HIPK2: variants seen among roughly 807,000 people sequenced by gnomAD.
The protein encoded by HIPK2 is homeodomain interacting protein kinase 2, also known as homeodomain-interacting protein kinase 2.
Under a neutral mutation model 113.7 loss-of-function variants are expected in HIPK2, and 27 were observed. The observed-to-expected ratio is 0.24, with a 90% CI of 0.17 to 0.33. The LOEUF is 0.33. Among genes scored for constraint, HIPK2 ranks in the 10% least tolerant of loss-of-function variants. The pLI is 1.00. For synonymous variants in HIPK2, 631 were observed against 642.2 expected (o/e 0.98, Z 0.26); for missense variants, 1,257 against 1,588.0 (o/e 0.79, Z 3.54).
intron 1 of HIPK2, among the ~76,000 whole-genome samples, chr7:139,777,400 C>T (rs904296187): frequency 1.3e-5 from 2 of 151,916 alleles, no homozygotes; most frequent in Non-Finnish European, 2.9e-5. Flanking sequence ...CCCCCGGCCC[C>T]TCTCCCCGCC....
intron 1 of HIPK2, among the ~76,000 whole-genome samples, chr7:139,736,927 C>T (rs916458909): frequency 7.9e-5 from 12 of 152,184 alleles, no homozygotes; most frequent in African/African-American, 1.9e-4. Flanking sequence ...ACAGGCCCAG[C>T]GCTAAGAGTC....
intron 11 of HIPK2, among the ~76,000 whole-genome samples, chr7:139,599,510 A>AT (rs1799345978): frequency 6.6e-6 from 1 of 152,002 alleles, no homozygotes; most frequent in South Asian, 2.1e-4. Context: ...GTTGACCTTG[A>AT]TTTTTTCAAA....
At chr7:139,674,245 G>C (rs1490553843) in intron 2 of HIPK2, among the ~76,000 whole-genome samples, 3 of 152,172 alleles carry the variant, frequency 2.0e-5, no homozygotes, top group Non-Finnish European at 4.4e-5. Context: ...GCTGTGGTGG[G>C]GAAGGCCTCT....
intron 4 of HIPK2, 21 bp from the exon 5 acceptor site, chr7:139,629,060 C>A: frequency 1.9e-6 from 3 of 1,570,160 alleles, no homozygotes; most frequent in Non-Finnish European, 2.6e-6. Context: ...AGGCAAAAGC[C>A]AATTGGTAGC....
intron 2 of HIPK2, among the ~76,000 whole-genome samples, chr7:139,674,074 A>C (rs1258792779): frequency 2.0e-5 from 3 of 151,978 alleles, no homozygotes; most frequent in Non-Finnish European, 4.4e-5. Flanking sequence ...AAAAAAAAAA[A>C]AAAGAAAAAT....
intron 2 of HIPK2, among the ~76,000 whole-genome samples, chr7:139,668,493 C>T (rs775051624): frequency 1.2e-4 from 18 of 149,950 alleles, no homozygotes; most frequent in Non-Finnish European, 2.5e-4. Flanking sequence ...ACCCGGGAGG[C>T]AGAGCTTGCA....
At chr7:139,653,076 T>C (rs1249948032) in intron 2 of HIPK2, among the ~76,000 whole-genome samples, 32 of 126,740 alleles carry the variant, frequency 2.5e-4, no homozygotes, top group African/African-American at 1.0e-3. Context: ...GAGGCTGAGG[T>C]TGCAGTGAGC....
intron 13 of HIPK2, among the ~76,000 whole-genome samples, chr7:139,583,339 C>G (rs1316386249): frequency 6.6e-6 from 1 of 152,180 alleles, no homozygotes; most frequent in South Asian, 2.1e-4. Context: ...GGCTTGGTCT[C>G]GCCGCCCAGC....
rs1190530210 is a variant in HIPK2 at position 139,681,877 on chromosome 7, G to A, written c.1103+34055C>T. ...ACATTTCTTTGTCCACTGACTGGGG[G>A]CCCTGGTTCTAGGACAGCATCTCCC... On this transcript the variant is annotated intron_variant, in intron 2 of 14. Coordinates refer to ENST00000406875, the MANE Select transcript of HIPK2 (RefSeq NM_022740.5). Among the ~76,000 whole-genome samples the A allele has an allele frequency of 7.2e-5, 11 of 152,286 alleles. No homozygotes were observed. In the South Asian group the frequency reaches 1.7e-3, roughly 23 times the overall value.
intron 1 of HIPK2, among the ~76,000 whole-genome samples, chr7:139,720,586 A>C (rs578049510): frequency 6.6e-6 from 1 of 152,312 alleles, no homozygotes; most frequent in East Asian, 1.9e-4. Flanking sequence ...TTATTCTAGA[A>C]CAACACAGAA....
chr7:139,583,531 C>T (rs1798736804), intron 13 of HIPK2: 1 of 371,862 alleles, frequency 2.7e-6, no homozygotes, highest in Non-Finnish European at 4.9e-6. Context: ...CATAAAGAAC[C>T]AGGAGGCTTT....
intron 7 of HIPK2, among the ~76,000 whole-genome samples, chr7:139,617,189 G>T (rs1800082343): frequency 6.6e-6 from 1 of 152,160 alleles, no homozygotes; most frequent in Non-Finnish European, 1.5e-5. Flanking sequence ...ACAGAGAACT[G>T]GGAAGAGCTC....
chr7:139,727,106 C>T (rs1475445560), intron 1 of HIPK2, among the ~76,000 whole-genome samples: 3 of 152,108 alleles, frequency 2.0e-5, no homozygotes, highest in Non-Finnish European at 2.9e-5. Context: ...ATGGAGTCCC[C>T]GTGGGTAAAG....
At chr7:139,706,386 T>A (rs139952281) in intron 2 of HIPK2, among the ~76,000 whole-genome samples, 13 of 152,204 alleles carry the variant, frequency 8.5e-5, no homozygotes, top group African/African-American at 1.9e-4. Context: ...GCATGAAAGA[T>A]GACAAGAAAC....
intron 2 of HIPK2, among the ~76,000 whole-genome samples, chr7:139,649,266 C>T (rs893573305): frequency 1.3e-5 from 2 of 152,068 alleles, no homozygotes; most frequent in Non-Finnish European, 2.9e-5. Context: ...CTGCGGGGGG[C>T]GGGCCGATGC....
intron 1 of HIPK2, 96 bp from the exon 2 acceptor site, chr7:139,717,111 A>G: frequency 7.1e-7 from 1 of 1,401,448 alleles, no homozygotes; most frequent in Non-Finnish European, 9.6e-7. Context: ...GGCTTGGGCC[A>G]TACAGAATAT....
In HIPK2 at chr7:139,777,674, G is replaced by T; in HGVS notation, c.-51C>A. 1 of 1,094,090 alleles carries T rather than the reference G, an allele frequency of 9.1e-7. No homozygotes were observed. The highest frequency in any genetic ancestry group is 1.1e-6 in the Non-Finnish European group (1 of 898,314). 67.8% of individuals were successfully genotyped at this position (1,094,090 alleles called of 1,614,324 possible). A position where few individuals can be genotyped will look rare whatever the true frequency, so the allele number is the denominator to read the frequency against. ...GGCAACGGGGACGGGAAAGCGGCGCGCGAGCTCGGCCCCCCCAGCCTCAGT... is the reference window on the plus strand; with the variant it reads ...GGCAACGGGGACGGGAAAGCGGCGCTCGAGCTCGGCCCCCCCAGCCTCAGT... On this transcript the variant is annotated 5_prime_UTR_variant, in exon 1 of 15. Transcript: ENST00000406875.
Position 139,575,254 on chromosome 7 carries a change from G to T in HIPK2, c.3000C>A (p.Ser1000=). The change falls in exon 14 of 15, where the codon TCC becomes TCA. Residue 1000 remains serine, a synonymous_variant. Transcript: ENST00000406875. The part of the protein sequence containing the change: ...NTSHHSSSYK[S]KSSSNVTSTS... ...TGGAGGTCACGTTGCTGGAGGACTT[G>T]GACTTGTAGGAGGACGAGTGGTGAC... The T allele has an allele frequency of 6.3e-7, 1 of 1,576,708 alleles. No individual in the cohort carries two copies. The highest frequency in any genetic ancestry group is 2.3e-5 in the East Asian group (1 of 43,114).
intron 7 of HIPK2, among the ~76,000 whole-genome samples, chr7:139,617,874 C>T (rs1800110391): frequency 6.6e-6 from 1 of 152,212 alleles, no homozygotes; most frequent in Non-Finnish European, 1.5e-5. Flanking sequence ...GGGCAAACAG[C>T]TCCAAGGAGC....
Sources: gnomAD v4.1 joint callset for allele counts (sites outside exome capture counted in the v4.1 genomes callset) on GRCh38, gnomAD v4.1.1 for gene constraint, MANE v1.5 for transcripts, NCBI Gene and HGNC (gene_info 2026-07-23, HGNC 2026-07-21) for gene names.